Variants in LMTK2 observed in about 807,000 individuals in gnomAD.
The protein encoded by LMTK2 is lemur tail kinase 2.
In LMTK2, 37 loss-of-function variants were observed where a neutral mutation model predicts 127.5. That is an observed-to-expected ratio of 0.29 (90% CI 0.22 to 0.38). LMTK2 has a LOEUF of 0.38. Ranked by LOEUF, LMTK2 falls within the 10% of genes least tolerant of loss-of-function variation. The pLI, the probability that LMTK2 is intolerant of heterozygous loss-of-function variation, is 1.00. For missense variants in LMTK2, 1,694 were observed against 1,920.3 expected, an observed-to-expected ratio of 0.88 and a Z score of 2.20; for synonymous variants, 819 against 810.1, an observed-to-expected ratio of 1.01 and a Z score of -0.19.
At chr7:98,153,759 G>A (rs1012359050) in intron 4 of LMTK2, among the ~76,000 whole-genome samples, 1 of 152,034 alleles carries the variant, frequency 6.6e-6, no homozygotes, top group Admixed American at 6.5e-5. Flanking sequence ...CCAGCTACAC[G>A]GAAGGCTGAG....
chr7:98,129,075 T>TTTA (rs771059213), intron 1 of LMTK2, among the ~76,000 whole-genome samples: 1 of 151,992 alleles, frequency 6.6e-6, no homozygotes, highest in South Asian at 2.1e-4. Context: ...AAAACGTAAG[T>TTTA]TTATTATTAT....
chr7:98,144,088 G>A (rs999603926), intron 3 of LMTK2, among the ~76,000 whole-genome samples: 3 of 150,864 alleles, frequency 2.0e-5, no homozygotes, highest in African/African-American at 7.3e-5. Context: ...TTTATTTTTT[G>A]CATAGATAAT....
intron 11 of LMTK2, among the ~76,000 whole-genome samples, chr7:98,200,498 G>T (rs1388299382): frequency 6.6e-6 from 1 of 152,168 alleles, no homozygotes; most frequent in Non-Finnish European, 1.5e-5. Flanking sequence ...GATACGGAGG[G>T]CTGACTTTTT....
chr7:98,190,653 C>A, intron 9 of LMTK2, 75 bp from the exon 10 acceptor site: 1 of 1,307,438 alleles, frequency 7.6e-7, no homozygotes, highest in South Asian at 1.2e-5. Flanking sequence ...AAATTACTGG[C>A]TATGTAACAA....
rs557522895 is a variant in LMTK2, at chr7:98,206,741, T to G, written c.*1249T>G. The G allele has an allele frequency of 1.3e-4, 20 of 152,284 alleles. No homozygotes were observed. The highest frequency in any genetic ancestry group is 3.9e-4 in the African/African-American group (16 of 41,508). 9.4% of individuals were successfully genotyped at this position (152,284 alleles called of 1,614,324 possible). A position where few individuals can be genotyped will look rare whatever the true frequency, so the allele number is the denominator to read the frequency against. On this transcript the variant is annotated 3_prime_UTR_variant, in exon 14 of 14. Transcript: ENST00000297293. ...AAACCTCCACAGCCGAATCTTCTCC[T>G]CCGAGCCACTCCACGTCACGTCCAG... is the stretch of plus-strand genomic sequence containing the variant.
At chr7:98,139,800 A>T (rs983979598) in intron 2 of LMTK2, among the ~76,000 whole-genome samples, 1 of 152,128 alleles carries the variant, frequency 6.6e-6, no homozygotes, top group Non-Finnish European at 1.5e-5. Context: ...CTTGTATTGG[A>T]TGGGGGCTAG....
At chr7:98,167,731 G>A (rs1047868616) in intron 6 of LMTK2, among the ~76,000 whole-genome samples, 2 of 152,206 alleles carry the variant, frequency 1.3e-5, no homozygotes, top group African/African-American at 2.4e-5. Flanking sequence ...AGAGCTGTAC[G>A]TGAGGCATGG....
chr7:98,154,831 A>G lies in LMTK2; in HGVS notation c.524A>G (p.Asn175Ser), dbSNP rs1175240383. 1 of 1,613,578 alleles carries G rather than the reference A, an allele frequency of 6.2e-7. No homozygotes were observed. Among genetic ancestry groups the G allele is most frequent in the Non-Finnish European group, 8.5e-7 (1 of 1,179,462 alleles). Residue 175 changes from asparagine (N) to serine (S), a missense_variant, in exon 5 of 14, where the codon AAC becomes AGC. Asn to Ser is a conservative substitution (Grantham distance 46). This residue lies in a region of LMTK2 where 203 missense variants were observed against 226.2 expected (regional missense o/e 0.90). Transcript: ENST00000297293. ...VIVKELKASA[N>S]PKEQDTFLKN... ...GTGAAGGAGTTAAAAGCAAGTGCCA[A>G]CCCAAAGGAACAAGATACTTTTTTG...
intron 11 of LMTK2, among the ~76,000 whole-genome samples, chr7:98,196,582 C>T (rs1017438440): frequency 6.6e-6 from 1 of 152,148 alleles, no homozygotes; most frequent in Admixed American, 6.6e-5. Flanking sequence ...TCCTGAAAGC[C>T]TGGGGGTAGC....
rs747000203 is a variant in LMTK2 at position 98,193,545 on chromosome 7, C to T, written c.3080C>T (p.Pro1027Leu). The T allele has an allele frequency of 2.0e-5, 32 of 1,614,008 alleles. No individual in the cohort carries two copies. Among genetic ancestry groups the T allele is most frequent in the Non-Finnish European group, 2.7e-5 (32 of 1,180,040 alleles). The change falls in exon 11 of 14, where the codon CCG (proline) becomes CTG (leucine). Residue 1027 changes from proline (P) to leucine (L), a missense_variant. Transcript: ENST00000297293. This position sits in a 1 kb window ranked among gnomAD's most constrained non-coding sequence, Gnocchi z 4.1. ...TPQKLVPPDK[P>L]ADSGYETENL... ...CAGAAACTAGTGCCCCCCGATAAGC[C>T]GGCAGACAGTGGCTACGAAACAGAG... is the stretch of plus-strand genomic sequence containing the variant.
Position 98,114,249 on chromosome 7 carries a change from T to G in LMTK2, c.103+6969T>G, listed in dbSNP as rs571471283. ...TATGTGTTTTTTTAAAGTTTTTTTT[T>G]TTTTTTTTTGAGACAGGGTCTTGTT... On this transcript the variant is annotated intron_variant, in intron 1 of 13. Transcript: ENST00000297293. 3.3e-3 allele frequency among the ~76,000 whole-genome samples: 492 copies of G among 151,314 alleles called. 2 individuals are homozygous for G. The highest frequency in any genetic ancestry group is 5.6e-3 in the Non-Finnish European group (383 of 67,798).
Position 98,192,870 on chromosome 7 carries a change from C to G in LMTK2, c.2405C>G (p.Thr802Ser). ...ACAGATGTCATGCTCACAGGTGACA[C>G]TTTGAGCACCTCATTGCAGTCTTCC... ...DDTDVMLTGD[T>S]LSTSLQSSPE... Residue 802 changes from threonine (T) to serine (S), a missense_variant, in exon 11 of 14, where the codon ACT becomes AGT. Thr to Ser is a moderately conservative substitution (Grantham distance 58). Coordinates refer to ENST00000297293, the MANE Select transcript of LMTK2 (RefSeq NM_014916.4). The G allele has an allele frequency of 6.2e-7, 1 of 1,614,136 alleles. No individual in the cohort carries two copies. The highest frequency in any genetic ancestry group is 1.1e-5 in the South Asian group (1 of 91,082).
intron 2 of LMTK2, among the ~76,000 whole-genome samples, chr7:98,140,103 T>TTTCG (rs1562902479): frequency 6.0e-4 from 2 of 3,316 alleles, no homozygotes; most frequent in African/African-American, 1.9e-3. Context: ...TCTTTCTTTC[T>TTTCG]TTCTTTCTTT....
At chr7:98,168,041 G>A (rs1270937733) in intron 6 of LMTK2, among the ~76,000 whole-genome samples, 2 of 152,312 alleles carry the variant, frequency 1.3e-5, no homozygotes, top group East Asian at 1.9e-4. Context: ...TAGGCCTGGC[G>A]AGAGCAGCTG....
rs1248491260 is a variant in LMTK2, at chr7:98,163,664, A to G, written c.657+4239A>G. On this transcript the variant is annotated intron_variant, in intron 6 of 13. Transcript: ENST00000297293. ...TCAGGTAGCACCAGCCCAGGGAGCC[A>G]GAGAGGGCATCTACTTGAAGGGACC... 2.0e-5 allele frequency among the ~76,000 whole-genome samples: 3 copies of G among 152,200 alleles called. No homozygotes were observed. The East Asian group carries it at 5.8e-4, about 29-fold the overall frequency.
At chr7:98,179,609 C>T (rs1562916343) in intron 7 of LMTK2, among the ~76,000 whole-genome samples, 1 of 131,952 alleles carries the variant, frequency 7.6e-6, no homozygotes, top group Non-Finnish European at 1.6e-5. Flanking sequence ...CTCCCTCCCT[C>T]CCTTTCTCCC....
chr7:98,178,299 C>T (rs969432192), intron 7 of LMTK2, among the ~76,000 whole-genome samples: 2 of 152,196 alleles, frequency 1.3e-5, no homozygotes, highest in African/African-American at 2.4e-5. Context: ...ATGCCTCCTG[C>T]GTGTTGAGTT....
Position 98,186,865 on chromosome 7 carries a change from C to T in LMTK2, c.877-12C>T. On this transcript the variant is annotated splice_polypyrimidine_tract_variant and intron_variant, in intron 8 of 13. Coordinates refer to ENST00000297293, the MANE Select transcript of LMTK2 (RefSeq NM_014916.4). ...TTCTATTCAAAATTCTGTGTGCTTT[C>T]TAACAAAACAGGAGGATTATATTGA... The T allele has an allele frequency of 1.2e-6, 2 of 1,608,668 alleles. No individual in the cohort carries two copies. The highest frequency in any genetic ancestry group is 1.7e-6 in the Non-Finnish European group (2 of 1,177,060).
At position 98,193,482 on chromosome 7, in the gene LMTK2, A is replaced by G; in HGVS notation, c.3017A>G (p.His1006Arg). 6.2e-7 allele frequency: 1 copy of G among 1,614,136 alleles called. No individual in the cohort carries two copies. The highest frequency in any genetic ancestry group is 1.1e-5 in the South Asian group (1 of 91,070). The change falls in exon 11 of 14, where the codon CAC becomes CGC. Residue 1006 changes from histidine (H) to arginine (R), a missense_variant. This residue lies in a region of LMTK2 where 65 missense variants were observed against 116.5 expected (regional missense o/e 0.56). Transcript: ENST00000297293. The surrounding 1 kb of genome is among the most constrained non-coding windows in gnomAD (Gnocchi z 4.1). ...TPDSLESVDVHEALLDSLGSH... is the reference protein window; with the variant it reads ...TPDSLESVDVREALLDSLGSH... ...GACTCTCTGGAGTCAGTGGATGTCC[A>G]CGAAGCGCTACTGGACTCTTTAGGA...
Sources: gnomAD v4.1 joint callset for allele counts (sites outside exome capture counted in the v4.1 genomes callset) on GRCh38, gnomAD v4.1.1 for gene constraint, gnomAD v4.1.1 regional missense constraint, Gnocchi (gnomAD v3.1) non-coding constraint, MANE v1.5 for transcripts, NCBI Gene and HGNC (gene_info 2026-07-23, HGNC 2026-07-21) for gene names.